The following ECHDC2 variants were observed in gnomAD, a reference collection of about 807,000 sequenced individuals.
ECHDC2 encodes enoyl-CoA hydratase domain containing 2.
Under a neutral mutation model 40.6 loss-of-function variants are expected in ECHDC2, and 34 were observed. The ratio of observed to expected loss-of-function variants is 0.84; its 90% CI spans 0.64 to 1.11. The LOEUF is 1.11. Ranked by LOEUF, ECHDC2 falls within the 50% of genes most tolerant of loss-of-function variation. ECHDC2 has a pLI of 0.00. For synonymous variants in ECHDC2, 162 were observed against 166.6 expected (o/e 0.97, Z 0.21); for missense variants, 392 against 400.7 (o/e 0.98, Z 0.19).
chr1:52,897,711 C>T (rs979240716), intron 8 of ECHDC2: 11 of 598,868 alleles, frequency 1.8e-5, no homozygotes, highest in South Asian at 5.8e-5. Context: ...CCTTCCCATC[C>T]GGCTGCCTCA....
chr1:52,911,798 G>GGC lies in ECHDC2; in HGVS notation c.122-9_122-8insGC, dbSNP rs1252663097. 6.2e-7 allele frequency: 1 copy of GGC among 1,613,796 alleles called. No homozygotes were observed. Among genetic ancestry groups the GGC allele is most frequent in the Admixed American group, 1.7e-5 (1 of 60,016 alleles). On this transcript the variant is annotated splice_polypyrimidine_tract_variant and intron_variant, in intron 1 of 9. Transcript: ENST00000371522. Reference sequence around the variant, plus strand: ...TCAGAATCTCAGTGATCCCTGTAAGGAGTCAGGGCAGCCACGGGAAAGCAG... The same window carrying GGC: ...TCAGAATCTCAGTGATCCCTGTAAGGGCAGTCAGGGCAGCCACGGGAAAGCAG...
chr1:52,917,752 T>C, intron 1 of ECHDC2: 1 of 426,284 alleles, frequency 2.3e-6, no homozygotes, highest in South Asian at 1.7e-5. Flanking sequence ...TATTGCCTAG[T>C]GACACCATAG....
At position 52,899,226 on chromosome 1, in the gene ECHDC2, T is replaced by G; in HGVS notation, c.703-2A>C. On this transcript the variant is annotated splice_acceptor_variant, in intron 7 of 9. Transcript: ENST00000371522. LOFTEE classifies it high-confidence loss of function. The stretch of plus-strand genomic sequence containing the variant: ...GCCCAGCCGCACGGCAATGGGGGCC[T>G]AGGGAAAAGCAAAAAGTCTTGGTTG... 1.2e-6 allele frequency: 2 copies of G among 1,611,366 alleles called. No homozygotes were observed. Among genetic ancestry groups the G allele is most frequent in the Non-Finnish European group, 1.7e-6 (2 of 1,179,924 alleles).
rs574034348 is a variant in ECHDC2, at chr1:52,905,083, C to G, written c.465G>C (p.Ser155=). The change falls in exon 6 of 10, where the codon TCG becomes TCC. Residue 155 remains serine (S), a synonymous_variant. Coordinates refer to ENST00000371522, the MANE Select transcript of ECHDC2 (RefSeq NM_001198961.2). ...TGGTCTCAATCAGTCCCATGACTGC[C>G]GAGGAAGCTGCTCAGATAGAACAAA... ...LACDLRVAAS[S]AVMGLIETTR... 1.7e-5 allele frequency: 27 copies of G among 1,614,026 alleles called. No homozygotes were observed. The highest frequency in any genetic ancestry group is 2.3e-5 in the Non-Finnish European group (27 of 1,180,024).
chr1:52,918,059 C>G (rs1651087894), intron 1 of ECHDC2, among the ~76,000 whole-genome samples: 1 of 152,112 alleles, frequency 6.6e-6, no homozygotes, highest in South Asian at 2.1e-4. Flanking sequence ...GGGTTAAACA[C>G]CTTTGGGCTC....
In ECHDC2 at chr1:52,903,965, G is replaced by A. The variant is rs930415368; in HGVS notation, c.702+681C>T. On this transcript the variant is annotated intron_variant, in intron 7 of 9. Transcript: ENST00000371522. ...CCTGAGTAGCTGGGATTACAGGTGC[G>A]TGCCTCCACACCCAGCTAATTTTTG... is the stretch of plus-strand genomic sequence containing the variant. Among the ~76,000 whole-genome samples, 6 of 151,756 alleles carry A rather than the reference G, an allele frequency of 4.0e-5. No individual in the cohort carries two copies. In the East Asian group the frequency reaches 1.2e-3, roughly 29 times the overall value.
chr1:52,911,971 G>A, intron 1 of ECHDC2, 181 bp from the exon 2 acceptor site: 1 of 1,435,156 alleles, frequency 7.0e-7, no homozygotes, highest in Non-Finnish European at 9.1e-7. Context: ...AAAATGGAGA[G>A]AAAAACCCTT....
chr1:52,906,228 A>G, intron 5 of ECHDC2: 1 of 459,230 alleles, frequency 2.2e-6, no homozygotes, highest in Non-Finnish European at 4.2e-6. Flanking sequence ...AAGACTGGAC[A>G]TTGCTCTTTG....
chr1:52,899,127 C>T (rs377279726), intron 8 of ECHDC2, 47 bp downstream of exon 8: 34 of 1,601,238 alleles, frequency 2.1e-5, no homozygotes, highest in Middle Eastern at 1.6e-4. Flanking sequence ...GTGTCCCAGC[C>T]GCGACCAACT....
chr1:52,901,032 C>T (rs1054499904), intron 7 of ECHDC2: 2 of 152,224 alleles, frequency 1.3e-5, no homozygotes, highest in South Asian at 2.1e-4. Context: ...GTGACTTGCA[C>T]CTGTAGTCTC....
At chr1:52,898,707 G>A (rs1024697573) in intron 8 of ECHDC2, 1 of 209,806 alleles carries the variant, frequency 4.8e-6, no homozygotes, top group Non-Finnish European at 9.6e-6. Flanking sequence ...TGGATTCAGT[G>A]TGTGATGAGT....
At chr1:52,898,111 AAC>A (rs1369891129) in intron 8 of ECHDC2, 2 of 160,504 alleles carry the variant, frequency 1.2e-5, no homozygotes, top group Admixed American at 1.2e-4. Context: ...AACTGTAGAA[AAC>A]AGTCTTTAAC....
In ECHDC2 at chr1:52,899,468, A is replaced by T. The variant is rs569082391; in HGVS notation, c.703-244T>A. ...TCTTGTTATTCAGCCCATCCTTCCA[A>T]CATGCACAACATAACTAGTTTACAA... On this transcript the variant is annotated intron_variant, in intron 7 of 9. Coordinates refer to ENST00000371522, the MANE Select transcript of ECHDC2 (RefSeq NM_001198961.2). 4.3e-5 allele frequency: 24 copies of T among 552,992 alleles called. No homozygotes were observed. In the East Asian group the frequency reaches 7.5e-4, roughly 17 times the overall value. The allele number at this position is 552,992 out of a possible 1,614,324, so 34.3% of individuals were successfully genotyped here.
intron 1 of ECHDC2, among the ~76,000 whole-genome samples, chr1:52,918,101 A>C (rs1351400078): frequency 6.6e-6 from 1 of 152,160 alleles, no homozygotes; most frequent in Non-Finnish European, 1.5e-5. Context: ...TTGATATTGG[A>C]CAGCCTTGAC....
At chr1:52,906,421 C>T (rs776565736) in intron 5 of ECHDC2, 98 bp downstream of exon 5, 14 of 1,103,262 alleles carry the variant, frequency 1.3e-5, no homozygotes, top group Non-Finnish European at 1.9e-5. Context: ...GGTTGGAAGC[C>T]AAGAACAGTG....
chr1:52,908,071 A>C, intron 3 of ECHDC2, 117 bp from the exon 4 acceptor site: 1 of 819,378 alleles, frequency 1.2e-6, no homozygotes, highest in Non-Finnish European at 2.0e-6. Flanking sequence ...AGGAAGGAGA[A>C]ACACCAGGAA....
chr1:52,916,095 G>A (rs1053237001), intron 1 of ECHDC2, among the ~76,000 whole-genome samples: 57 of 152,286 alleles, frequency 3.7e-4, no homozygotes, highest in African/African-American at 1.4e-3. Context: ...GCCAACTCCC[G>A]ACTGCAGCCC....
chr1:52,903,619 G>T (rs1337420958), intron 7 of ECHDC2, among the ~76,000 whole-genome samples: 1 of 151,514 alleles, frequency 6.6e-6, no homozygotes, highest in Non-Finnish European at 1.5e-5. Flanking sequence ...CATGAGCCTG[G>T]CCCGTCACGG....
chr1:52,898,965 G>C, intron 8 of ECHDC2: 1 of 640,684 alleles, frequency 1.6e-6, no homozygotes. Flanking sequence ...CTCCAAGGGA[G>C]AAAGATGAGG....
Sources: allele counts gnomAD v4.1 joint callset (sites outside exome capture counted in the v4.1 genomes callset), GRCh38; gene constraint gnomAD v4.1.1; transcripts MANE v1.5; gene names NCBI Gene and HGNC (gene_info 2026-07-23, HGNC 2026-07-21).